COL22A1: variants seen among roughly 807,000 people sequenced by gnomAD.
COL22A1 encodes the protein collagen type XXII alpha 1 chain, also known as collagen alpha-1(XXII) chain.
COL22A1 carries 221 observed loss-of-function variants against 248.9 expected under a neutral mutation model. The ratio of observed to expected loss-of-function variants is 0.89; its 90% CI spans 0.80 to 0.99. The LOEUF is 0.99. Among genes scored for constraint, COL22A1 ranks in the 50% least tolerant of loss-of-function variants. The probability of loss-of-function intolerance (pLI) is 0.00; values close to 1 mark genes in which losing one functional copy is unlikely to be tolerated. For missense variants in COL22A1, 2,240 were observed against 2,179.0 expected (o/e 1.03, Z -0.56); for synonymous variants, 891 against 793.4 (o/e 1.12, Z -2.07).
intron 1 of COL22A1, among the ~76,000 whole-genome samples, chr8:138,901,270 G>A (rs1218752268): frequency 6.6e-6 from 1 of 151,574 alleles, no homozygotes; most frequent in African/African-American, 2.4e-5. Context: ...ATGGGGTGAG[G>A]AGTGAAAAGT....
chr8:138,772,583 C>T (rs1481695328), intron 16 of COL22A1, among the ~76,000 whole-genome samples: 4 of 152,210 alleles, frequency 2.6e-5, no homozygotes, highest in East Asian at 1.9e-4. Flanking sequence ...AATACAGGAA[C>T]GGATGCGTCC....
At position 138,755,495 on chromosome 8, in the gene COL22A1, A is replaced by G. The variant is rs761048914; in HGVS notation, c.1964T>C (p.Leu655Ser). 1.1e-5 allele frequency: 18 copies of G among 1,614,022 alleles called. No homozygotes were observed. The South Asian group carries it at 1.9e-4, about 17-fold the overall frequency. Reference sequence around the variant, plus strand: ...TGTGCCTCTTACCTGTTCCCCTTTCAAGCCCTCTTGCTGCACCTGAGAGAC... The same window carrying G: ...TGTGCCTCTTACCTGTTCCCCTTTCGAGCCCTCTTGCTGCACCTGAGAGAC... ...VPGSVVQQEG[L>S]KGEQGAPGPR... Residue 655 changes from leucine (L) to serine (S), a missense_variant, in exon 20 of 65, where the codon TTG becomes TCG. Coordinates refer to ENST00000303045, the MANE Select transcript of COL22A1 (RefSeq NM_152888.3).
chr8:138,677,904 G>A (rs900187710), intron 40 of COL22A1, among the ~76,000 whole-genome samples: 1 of 152,204 alleles, frequency 6.6e-6, no homozygotes, highest in Admixed American at 6.5e-5. Context: ...GAGTTAACTC[G>A]TATGACAAAC....
At position 138,854,952 on chromosome 8, in the gene COL22A1, T is replaced by G. The variant is rs531966145; in HGVS notation, c.659-10794A>C. Among the ~76,000 whole-genome samples the G allele has an allele frequency of 3.9e-5, 6 of 151,988 alleles. No individual in the cohort carries two copies. In the South Asian group the frequency reaches 1.2e-3, roughly 32 times the overall value. ...ATGGCAGTGGTGATGATGGTGATGA[T>G]GGAGGAGGTGATGGTGATGGTGGGA... On this transcript the variant is annotated intron_variant, in intron 3 of 64. Transcript: ENST00000303045.
chr8:138,697,464 T>C (rs1343080421), intron 32 of COL22A1, among the ~76,000 whole-genome samples: 1 of 152,170 alleles, frequency 6.6e-6, no homozygotes, highest in Non-Finnish European at 1.5e-5. Flanking sequence ...AGCACCAAGC[T>C]GCCTGTCCCT....
chr8:138,898,636 T>C (rs1814304367), intron 1 of COL22A1, among the ~76,000 whole-genome samples: 1 of 152,126 alleles, frequency 6.6e-6, no homozygotes, highest in African/African-American at 2.4e-5. Flanking sequence ...CTTAGCGAAA[T>C]AGGTCCCCAA....
chr8:138,902,424 G>T (rs890484144), intron 1 of COL22A1, among the ~76,000 whole-genome samples: 1 of 152,186 alleles, frequency 6.6e-6, no homozygotes, highest in Non-Finnish European at 1.5e-5. Flanking sequence ...AGGCTGGGCC[G>T]CGATGGCTCA....
intron 64 of COL22A1, among the ~76,000 whole-genome samples, chr8:138,590,251 A>G (rs570846847): frequency 5.9e-5 from 9 of 152,294 alleles, no homozygotes; most frequent in African/African-American, 1.9e-4. Flanking sequence ...AAATAAACAC[A>G]AAGTAAACTT....
At chr8:138,899,073 CAT>C (rs1563902697) in intron 1 of COL22A1, among the ~76,000 whole-genome samples, 1 of 152,166 alleles carries the variant, frequency 6.6e-6, no homozygotes, top group Non-Finnish European at 1.5e-5. Flanking sequence ...ACATCAATCC[CAT>C]ATGTTACTCC....
chr8:138,654,040 A>G (rs1822991064), intron 45 of COL22A1, among the ~76,000 whole-genome samples: 1 of 152,170 alleles, frequency 6.6e-6, no homozygotes, highest in African/African-American at 2.4e-5. Context: ...TAGTGAGGAA[A>G]TATTGATTTG....
Position 138,843,988 on chromosome 8 carries a change from G to C in COL22A1, c.733+96C>G. 7.7e-6 allele frequency: 8 copies of C among 1,038,060 alleles called. No homozygotes were observed. The South Asian group carries it at 8.9e-5, about 12-fold the overall frequency. The allele number at this position is 1,038,060 out of a possible 1,614,324, so 64.3% of individuals were successfully genotyped here. On this transcript the variant is annotated intron_variant, in intron 4 of 64. Transcript: ENST00000303045. ...TGGTGAAATATGGGAACAAGAACAG[G>C]GTCAGTGAGGCCACCCCTGAATTGA...
chr8:138,869,817 G>A (rs761044900), intron 3 of COL22A1, among the ~76,000 whole-genome samples: 23 of 152,288 alleles, frequency 1.5e-4, no homozygotes, highest in East Asian at 3.9e-4. Context: ...TCTACGTGGC[G>A]GCTCCAAACC....
intron 10 of COL22A1, among the ~76,000 whole-genome samples, chr8:138,805,273 T>TGATG (rs1817416870): frequency 8.2e-6 from 1 of 122,440 alleles, no homozygotes; most frequent in East Asian, 2.1e-4. Context: ...TGCATGTGTG[T>TGATG]GTGTGTGATG....
chr8:138,726,990 C>T (rs933546634), intron 23 of COL22A1, among the ~76,000 whole-genome samples: 6 of 152,126 alleles, frequency 3.9e-5, no homozygotes, highest in African/African-American at 1.4e-4. Flanking sequence ...CAGGGGCGAG[C>T]TGGAATCACA....
At chr8:138,782,101 C>T (rs1342127783) in intron 12 of COL22A1, among the ~76,000 whole-genome samples, 1 of 152,222 alleles carries the variant, frequency 6.6e-6, no homozygotes, top group East Asian at 1.9e-4. Flanking sequence ...CCTTCCATGG[C>T]CTCAACATTC....
intron 40 of COL22A1, among the ~76,000 whole-genome samples, chr8:138,678,262 C>G (rs976261133): frequency 6.6e-6 from 1 of 152,126 alleles, no homozygotes; most frequent in African/African-American, 2.4e-5. Flanking sequence ...ACAGACCTTG[C>G]GAAGTTCTCA....
intron 9 of COL22A1, among the ~76,000 whole-genome samples, chr8:138,809,258 T>G (rs2131681265): frequency 6.6e-6 from 1 of 152,296 alleles, no homozygotes; most frequent in Admixed American, 6.5e-5. Flanking sequence ...CAGCCAGGCC[T>G]CAGAGCTCCT....
intron 44 of COL22A1, among the ~76,000 whole-genome samples, chr8:138,658,889 C>CT (rs202131284): frequency 7.2e-6 from 1 of 138,772 alleles, no homozygotes; most frequent in Non-Finnish European, 1.5e-5. Flanking sequence ...TCTCTTCTCT[C>CT]TCTCTCTCCC....
chr8:138,617,866 T>C (rs1819463343), intron 53 of COL22A1, among the ~76,000 whole-genome samples: 2 of 152,184 alleles, frequency 1.3e-5, no homozygotes, highest in African/African-American at 4.8e-5. Context: ...GCAGAGTTGC[T>C]GTCAGGACTG....
Sources: allele counts gnomAD v4.1 joint callset (sites outside exome capture counted in the v4.1 genomes callset), GRCh38; gene constraint gnomAD v4.1.1; transcripts MANE v1.5; gene names NCBI Gene and HGNC (gene_info 2026-07-23, HGNC 2026-07-21).